Variants in SOX5 observed in about 807,000 individuals in gnomAD.
SOX5 encodes the protein transcription factor SOX-5.
SOX5 carries 9 observed loss-of-function variants against 92.0 expected under a neutral mutation model. That is an observed-to-expected ratio of 0.10 (90% CI 0.06 to 0.17). The LOEUF is 0.17. Among genes scored for constraint, SOX5 ranks in the 10% least tolerant of loss-of-function variants. SOX5 has a pLI of 1.00. For synonymous variants in SOX5, 344 were observed against 336.3 expected (o/e 1.02, Z -0.25); for missense variants, 642 against 944.5 (o/e 0.68, Z 4.20).
At chr12:24,317,949 G>A (rs1261373349) in intron 2 of SOX5, among the ~76,000 whole-genome samples, 1 of 152,074 alleles carries the variant, frequency 6.6e-6, no homozygotes, top group Non-Finnish European at 1.5e-5. Context: ...GGTGGCTCAC[G>A]CCTGTAATCC....
At chr12:23,579,375 T>A (rs576053397) in intron 9 of SOX5, among the ~76,000 whole-genome samples, 1 of 152,194 alleles carries the variant, frequency 6.6e-6, no homozygotes, top group Non-Finnish European at 1.5e-5. Flanking sequence ...GCTAATGGTA[T>A]ATTAATAAGA....
chr12:23,614,969 T>A (rs913475629), intron 8 of SOX5, among the ~76,000 whole-genome samples: 25 of 151,906 alleles, frequency 1.6e-4, no homozygotes, highest in African/African-American at 5.3e-4. Context: ...GCCCAGCTAA[T>A]TTTTTTGTAT....
chr12:23,740,722 G>T, intron 5 of SOX5, 145 bp downstream of exon 5: 2 of 673,066 alleles, frequency 3.0e-6, no homozygotes, highest in Non-Finnish European at 4.6e-6. Context: ...TTTTTGTTTT[G>T]TTTTGCTTTT....
chr12:24,112,609 C>T (rs1032173625), intron 4 of SOX5, among the ~76,000 whole-genome samples: 1 of 144,816 alleles, frequency 6.9e-6, no homozygotes, highest in Non-Finnish European at 1.5e-5. Flanking sequence ...CGGCTCACTG[C>T]AGACTTGACT....
intron 1 of SOX5, among the ~76,000 whole-genome samples, chr12:24,395,950 A>T (rs1312295352): frequency 6.6e-6 from 1 of 152,124 alleles, no homozygotes; most frequent in Non-Finnish European, 1.5e-5. Flanking sequence ...CTTTATCTCT[A>T]AGAAGTGCAT....
intron 4 of SOX5, among the ~76,000 whole-genome samples, chr12:24,012,208 T>C (rs751073574): frequency 6.6e-6 from 1 of 152,220 alleles, no homozygotes; most frequent in Non-Finnish European, 1.5e-5. Flanking sequence ...TGTTTATTTT[T>C]ACTTTAAGCA....
chr12:23,621,108 ATGT>A (rs1235884415), intron 8 of SOX5, among the ~76,000 whole-genome samples: 1 of 152,114 alleles, frequency 6.6e-6, no homozygotes, highest in Non-Finnish European at 1.5e-5. Context: ...TTATAAGTAA[ATGT>A]TGTTTTTGAG....
chr12:23,929,228 A>G (rs1012478192), intron 1 of SOX5, among the ~76,000 whole-genome samples: 4 of 152,032 alleles, frequency 2.6e-5, no homozygotes, highest in African/African-American at 9.7e-5. Context: ...TAAAAAACCA[A>G]CAAACTAATA....
intron 4 of SOX5, among the ~76,000 whole-genome samples, chr12:24,082,636 T>C (rs1472447616): frequency 6.6e-6 from 1 of 151,746 alleles, no homozygotes; most frequent in Non-Finnish European, 1.5e-5. Flanking sequence ...CATTTGGAGC[T>C]GCACAGAGAC....
At position 23,979,698 on chromosome 12, in the gene SOX5, GTTTTTTTTGTTTTTTTT is replaced by G. The variant is rs1291220354; in HGVS notation, c.-1-83691_-1-83675del. 1.2e-4 allele frequency among the ~76,000 whole-genome samples: 8 copies of G among 64,704 alleles called. No homozygotes were observed. In the South Asian group the frequency reaches 3.8e-3, roughly 31 times the overall value. The allele number at this position is 64,704 out of a possible 152,430, so 42.4% of individuals were successfully genotyped here. ...TTCTTCCTTCCATATATATATATAT[GTTTTTTTTGTTTTTTTT>G]TTTTTTTTTTTTTTTTTTTGGAGAC... is the stretch of plus-strand genomic sequence containing the variant. On this transcript the variant is annotated intron_variant, in intron 4 of 4. Transcript: ENST00000446891.
intron 1 of SOX5, among the ~76,000 whole-genome samples, chr12:23,923,293 A>AAATG (rs142332141): frequency 0.39 from 58,553 of 148,950 alleles, 11,982 homozygotes; most frequent in Non-Finnish European, 0.47. Context: ...ACCCAAAAAT[A>AAATG]AATGAATGAA....
intron 1 of SOX5, among the ~76,000 whole-genome samples, chr12:24,374,090 G>T (rs752000045): frequency 1.5e-4 from 23 of 152,342 alleles, no homozygotes; most frequent in Non-Finnish European, 2.8e-4. Context: ...TAGGGAGGAA[G>T]AAGAGAGAAT....
intron 4 of SOX5, chr12:24,212,397 T>C (rs772294041): frequency 1.7e-5 from 9 of 533,628 alleles, no homozygotes; most frequent in Admixed American, 5.8e-5. Context: ...TCTCTCTGTA[T>C]AATGAAAACT....
rs570754742 is a variant in SOX5 at position 24,433,432 on chromosome 12, A to G, written c.-250-64793T>C. Among the ~76,000 whole-genome samples the G allele has an allele frequency of 2.0e-5, 3 of 152,306 alleles. No individual in the cohort carries two copies. The South Asian group carries it at 6.2e-4, about 32-fold the overall frequency. ...TTGTGGAAGTTAACTTGATAAGAGC[A>G]CTCACTTGATTAAAGATGAACTAAG... On this transcript the variant is annotated intron_variant, in intron 1 of 4. Coordinates refer to the SOX5 transcript ENST00000446891.
chr12:23,735,167 GTATT>G (rs757564448), intron 5 of SOX5, among the ~76,000 whole-genome samples: 1 of 152,084 alleles, frequency 6.6e-6, no homozygotes, highest in African/African-American at 2.4e-5. Flanking sequence ...GCAAGACACT[GTATT>G]TATTAGTAAA....
intron 1 of SOX5, among the ~76,000 whole-genome samples, chr12:24,555,558 A>T (rs1346333520): frequency 6.6e-6 from 1 of 152,188 alleles, no homozygotes; most frequent in Non-Finnish European, 1.5e-5. Flanking sequence ...TGTAAAATAC[A>T]TCGGGCATTT....
chr12:24,296,392 G>A (rs1041853140), intron 2 of SOX5, among the ~76,000 whole-genome samples: 1 of 152,200 alleles, frequency 6.6e-6, no homozygotes, highest in African/African-American at 2.4e-5. Context: ...TGAAGCCACA[G>A]CGCTCCTTCT....
intron 2 of SOX5, among the ~76,000 whole-genome samples, chr12:24,353,614 T>C (rs1954400706): frequency 6.6e-6 from 1 of 152,010 alleles, no homozygotes. Context: ...GGGGTCTTCC[T>C]GCATAAGGGA....
intron 4 of SOX5, among the ~76,000 whole-genome samples, chr12:24,053,997 C>T (rs556509354): frequency 1.3e-5 from 2 of 152,298 alleles, no homozygotes; most frequent in South Asian, 4.1e-4. Context: ...CTCTATGGCT[C>T]TGAGGCCTGT....
Sources: allele counts gnomAD v4.1 joint callset (sites outside exome capture counted in the v4.1 genomes callset), GRCh38; gene constraint gnomAD v4.1.1; transcripts MANE v1.5; gene names NCBI Gene and HGNC (gene_info 2026-07-23, HGNC 2026-07-21).